Variants in AFG1L observed in about 807,000 individuals in gnomAD.
The protein encoded by AFG1L is AFG1-like ATPase.
AFG1L carries 53 observed loss-of-function variants against 62.2 expected under a neutral mutation model. The ratio of observed to expected loss-of-function variants is 0.85; its 90% CI spans 0.68 to 1.07. The LOEUF is 1.07. AFG1L is among the 50% of genes least tolerant of loss of function. The pLI, the probability that AFG1L is intolerant of heterozygous loss-of-function variation, is 0.00. For synonymous variants in AFG1L, 228 were observed against 210.3 expected, an observed-to-expected ratio of 1.08 and a Z score of -0.73; for missense variants, 555 against 590.5, an observed-to-expected ratio of 0.94 and a Z score of 0.62.
intron 6 of AFG1L, among the ~76,000 whole-genome samples, chr6:108,380,134 G>C (rs1392651327): frequency 6.6e-6 from 1 of 151,998 alleles, no homozygotes; most frequent in Admixed American, 6.5e-5. Context: ...GCATGTAACA[G>C]AGAGGGTCCC....
chr6:108,510,239 C>G lies in AFG1L; in HGVS notation c.1090C>G (p.Leu364Val). ...RPLGASDYLE[L>V]SKNFDTIFLR... ...ACTTGGAGCCAGTGACTATTTGGAA[C>G]TATCAAAGAATTTTGATACAATATT... Residue 364 changes from leucine (L) to valine (V), a missense_variant, in exon 11 of 13, where the codon CTA becomes GTA. Physicochemically the swap from Leu to Val is conservative, Grantham distance 32. Transcript: ENST00000368977. 6.2e-7 allele frequency: 1 copy of G among 1,610,008 alleles called. No homozygotes were observed. The highest frequency in any genetic ancestry group is 8.5e-7 in the Non-Finnish European group (1 of 1,178,066).
intron 8 of AFG1L, among the ~76,000 whole-genome samples, chr6:108,464,832 A>G (rs575704307): frequency 6.6e-6 from 1 of 152,330 alleles, no homozygotes; most frequent in South Asian, 2.1e-4. Context: ...TTCATCAGAT[A>G]TGACTTCAGT....
intron 2 of AFG1L, chr6:108,344,859 T>C (rs572913248): frequency 6.8e-5 from 32 of 467,938 alleles, no homozygotes; most frequent in African/African-American, 5.8e-4. Context: ...ATAATAGCAT[T>C]AGGTAAGATA....
At chr6:108,494,309 C>T (rs1244895629) in intron 10 of AFG1L, among the ~76,000 whole-genome samples, 1 of 151,910 alleles carries the variant, frequency 6.6e-6, no homozygotes, top group Non-Finnish European at 1.5e-5. Flanking sequence ...TAGACATCTC[C>T]AGAATTTGGA....
intron 5 of AFG1L, among the ~76,000 whole-genome samples, chr6:108,363,547 A>G (rs1243695942): frequency 6.6e-6 from 1 of 152,026 alleles, no homozygotes; most frequent in Non-Finnish European, 1.5e-5. Flanking sequence ...TTTCCTTAGG[A>G]TCTTCATTAT....
At chr6:108,471,898 G>A (rs1468720020) in intron 8 of AFG1L, among the ~76,000 whole-genome samples, 1 of 152,054 alleles carries the variant, frequency 6.6e-6, no homozygotes, top group Non-Finnish European at 1.5e-5. Context: ...TCATTATACA[G>A]AACAGAGCAT....
intron 7 of AFG1L, among the ~76,000 whole-genome samples, chr6:108,431,561 A>G (rs910479760): frequency 3.3e-5 from 5 of 150,674 alleles, no homozygotes; most frequent in Admixed American, 6.6e-5. Context: ...ACACAGTAGC[A>G]GTTGCCACAG....
rs567833855 is a variant in AFG1L at position 108,465,342 on chromosome 6, T to C, written c.891-11523T>C. On this transcript the variant is annotated intron_variant, in intron 8 of 12. Coordinates refer to ENST00000368977, the MANE Select transcript of AFG1L (RefSeq NM_145315.5). The stretch of plus-strand genomic sequence containing the variant: ...CCAGATGTCTCTACTTCCTCAAATT[T>C]TACTGGTTAGGCTGGAATATCTTTC... Among the ~76,000 whole-genome samples the C allele has an allele frequency of 1.2e-4, 18 of 152,342 alleles. 1 individual carries two copies. The South Asian group carries it at 3.5e-3, about 30-fold the overall frequency.
At chr6:108,370,320 G>A (rs575423601) in intron 6 of AFG1L, among the ~76,000 whole-genome samples, 3 of 152,262 alleles carry the variant, frequency 2.0e-5, no homozygotes, top group South Asian at 2.1e-4. Flanking sequence ...TATGATGCAT[G>A]CAGGGAGACA....
chr6:108,360,717 C>A (rs1779492568), intron 5 of AFG1L, among the ~76,000 whole-genome samples: 1 of 151,966 alleles, frequency 6.6e-6, no homozygotes, highest in South Asian at 2.1e-4. Context: ...AAGAAGTGAT[C>A]TCTGCTAGTT....
chr6:108,343,295 ACTG>A (rs775464556), intron 2 of AFG1L, among the ~76,000 whole-genome samples: 5 of 152,052 alleles, frequency 3.3e-5, no homozygotes, highest in Non-Finnish European at 5.9e-5. Context: ...TGATCTGCCC[ACTG>A]GGGCCTCCCA....
At chr6:108,337,660 T>C (rs1398509590) in intron 2 of AFG1L, among the ~76,000 whole-genome samples, 1 of 152,206 alleles carries the variant, frequency 6.6e-6, no homozygotes, top group Non-Finnish European at 1.5e-5. Flanking sequence ...ATCTTAGTTC[T>C]CAAATACGAC....
chr6:108,319,650 T>C (rs1478030247), intron 1 of AFG1L: 3 of 221,632 alleles, frequency 1.4e-5, no homozygotes, highest in Non-Finnish European at 2.8e-5. Flanking sequence ...AAGGCTGGAG[T>C]GCAGTGGCCA....
At chr6:108,440,913 TAATC>T (rs1271676063) in intron 7 of AFG1L, among the ~76,000 whole-genome samples, 9 of 152,220 alleles carry the variant, frequency 5.9e-5, no homozygotes, top group East Asian at 1.9e-4. Context: ...AGTTGACTGT[TAATC>T]AAGAAAAACA....
At chr6:108,460,435 C>T (rs757619778) in intron 8 of AFG1L, among the ~76,000 whole-genome samples, 8 of 152,138 alleles carry the variant, frequency 5.3e-5, no homozygotes, top group Non-Finnish European at 8.8e-5. Flanking sequence ...TCCAGTGTGA[C>T]AATCTCTGCT....
intron 6 of AFG1L, among the ~76,000 whole-genome samples, chr6:108,373,429 C>T (rs1780102864): frequency 6.6e-6 from 1 of 152,122 alleles, no homozygotes; most frequent in Non-Finnish European, 1.5e-5. Flanking sequence ...TTTCCTCATC[C>T]AGTCGTCATT....
At chr6:108,452,589 G>T (rs1440734786) in intron 8 of AFG1L, among the ~76,000 whole-genome samples, 1 of 152,104 alleles carries the variant, frequency 6.6e-6, no homozygotes, top group African/African-American at 2.4e-5. Flanking sequence ...ATTGGTCCTG[G>T]GATTTTATTT....
At chr6:108,446,625 C>T (rs983105654) in intron 7 of AFG1L, among the ~76,000 whole-genome samples, 1 of 151,864 alleles carries the variant, frequency 6.6e-6, no homozygotes, top group African/African-American at 2.4e-5. Flanking sequence ...GCAGCTTAGC[C>T]GGCCAAATAG....
intron 1 of AFG1L, among the ~76,000 whole-genome samples, chr6:108,315,870 A>G (rs1052046613): frequency 6.6e-6 from 1 of 152,182 alleles, no homozygotes; most frequent in Non-Finnish European, 1.5e-5. Context: ...CAACACAGGT[A>G]GAACCCCTCT....
Sources: allele counts gnomAD v4.1 joint callset (sites outside exome capture counted in the v4.1 genomes callset), GRCh38; gene constraint gnomAD v4.1.1; transcripts MANE v1.5; gene names NCBI Gene and HGNC (gene_info 2026-07-23, HGNC 2026-07-21).